NKAIN3: variants seen among roughly 807,000 people sequenced by gnomAD.
NKAIN3 encodes the protein sodium/potassium-transporting ATPase subunit beta-1-interacting protein 3.
In NKAIN3, 25 loss-of-function variants were observed where a neutral mutation model predicts 30.2. That is an observed-to-expected ratio of 0.83 (90% CI 0.60 to 1.16). The LOEUF is 1.16. Among genes scored for constraint, NKAIN3 ranks in the 50% most tolerant of loss-of-function variants. The pLI, the probability that NKAIN3 is intolerant of heterozygous loss-of-function variation, is 0.00. For synonymous variants in NKAIN3, 91 were observed against 89.6 expected (o/e 1.02, Z -0.09); for missense variants, 225 against 254.1 (o/e 0.89, Z 0.78).
intron 3 of NKAIN3, among the ~76,000 whole-genome samples, chr8:62,687,265 A>C (rs1813826203): frequency 6.6e-6 from 1 of 152,214 alleles, no homozygotes. Flanking sequence ...AGGAATGTGA[A>C]GAGTTAAAAA....
intron 4 of NKAIN3, among the ~76,000 whole-genome samples, chr8:62,789,108 C>A (rs1388431056): frequency 2.6e-5 from 4 of 151,746 alleles, no homozygotes; most frequent in South Asian, 2.1e-4. Flanking sequence ...CATTGAATCT[C>A]TAAATTACCT....
chr8:62,806,101 G>A lies in NKAIN3; in HGVS notation c.471+58972G>A, dbSNP rs550748186. 5.9e-5 allele frequency among the ~76,000 whole-genome samples: 9 copies of A among 152,300 alleles called. No homozygotes were observed. In the East Asian group the frequency reaches 1.7e-3, roughly 29 times the overall value. ...GAGAAATGCAAATCAAAACCACAAT[G>A]AGATATCATCTCACACCAGTTAGAA... On this transcript the variant is annotated intron_variant, in intron 4 of 6. Transcript: ENST00000623646.
chr8:62,335,532 T>C (rs888277658), intron 1 of NKAIN3, among the ~76,000 whole-genome samples: 1 of 151,938 alleles, frequency 6.6e-6, no homozygotes, highest in Non-Finnish European at 1.5e-5. Flanking sequence ...ATCAGTTCTA[T>C]GTAGAGATGA....
chr8:62,512,552 T>C (rs1268545984), intron 1 of NKAIN3, among the ~76,000 whole-genome samples: 1 of 152,154 alleles, frequency 6.6e-6, no homozygotes, highest in African/African-American at 2.4e-5. Context: ...TATTGTGTTT[T>C]TTCAATTCTC....
intron 1 of NKAIN3, among the ~76,000 whole-genome samples, chr8:62,526,926 T>C (rs1808321660): frequency 6.6e-6 from 1 of 152,158 alleles, no homozygotes; most frequent in African/African-American, 2.4e-5. Context: ...ATCCCTGACT[T>C]GCACCCGCTA....
At chr8:62,651,693 A>G (rs1159842873) in intron 3 of NKAIN3, among the ~76,000 whole-genome samples, 5 of 152,016 alleles carry the variant, frequency 3.3e-5, no homozygotes, top group African/African-American at 1.2e-4. Flanking sequence ...GTGATTCCCA[A>G]TGTTGGAGGT....
intron 3 of NKAIN3, among the ~76,000 whole-genome samples, chr8:62,705,602 G>C (rs1348866536): frequency 6.6e-6 from 1 of 151,830 alleles, no homozygotes; most frequent in African/African-American, 2.4e-5. Context: ...TTAAATATTG[G>C]GTATTCTGGA....
intron 4 of NKAIN3, among the ~76,000 whole-genome samples, chr8:62,763,863 A>T (rs996057178): frequency 2.0e-5 from 3 of 152,226 alleles, no homozygotes; most frequent in African/African-American, 4.8e-5. Flanking sequence ...ACAGGCTAAG[A>T]GTATTTAAGG....
chr8:62,705,534 A>G (rs1308977470), intron 3 of NKAIN3, among the ~76,000 whole-genome samples: 1 of 152,240 alleles, frequency 6.6e-6, no homozygotes, highest in South Asian at 2.1e-4. Context: ...TTATTTGTTG[A>G]TAATCTTTTC....
intron 3 of NKAIN3, among the ~76,000 whole-genome samples, chr8:62,607,577 T>A (rs988864169): frequency 6.6e-6 from 1 of 152,196 alleles, no homozygotes; most frequent in Non-Finnish European, 1.5e-5. Flanking sequence ...ACCAGGAATT[T>A]ACATTTCAGT....
intron 1 of NKAIN3, among the ~76,000 whole-genome samples, chr8:62,546,942 A>G (rs1001120096): frequency 2.6e-5 from 4 of 152,158 alleles, no homozygotes; most frequent in African/African-American, 9.7e-5. Context: ...ATATTCTATT[A>G]TCTCATGTGT....
chr8:62,862,286 AAGT>A (rs1451810278), intron 4 of NKAIN3, among the ~76,000 whole-genome samples: 2 of 152,198 alleles, frequency 1.3e-5, no homozygotes, highest in East Asian at 3.8e-4. Context: ...TCTAGAAAGA[AAGT>A]AGTAATTTAA....
intron 1 of NKAIN3, among the ~76,000 whole-genome samples, chr8:62,315,195 G>A (rs1463847387): frequency 6.6e-6 from 1 of 152,150 alleles, no homozygotes; most frequent in Non-Finnish European, 1.5e-5. Flanking sequence ...ATTTGAAAAA[G>A]CGACTACAAA....
chr8:62,504,442 T>A (rs1214451099), intron 1 of NKAIN3, among the ~76,000 whole-genome samples: 1 of 152,190 alleles, frequency 6.6e-6, no homozygotes, highest in African/African-American at 2.4e-5. Flanking sequence ...CCTTTAATCA[T>A]ATCATCATCC....
intron 1 of NKAIN3, among the ~76,000 whole-genome samples, chr8:62,514,658 T>A (rs1286601237): frequency 6.6e-6 from 1 of 152,140 alleles, no homozygotes; most frequent in Non-Finnish European, 1.5e-5. Context: ...GAGTTAGTCA[T>A]GGCAAAGTGA....
At chr8:62,481,201 A>G (rs958655685) in intron 1 of NKAIN3, among the ~76,000 whole-genome samples, 1 of 152,106 alleles carries the variant, frequency 6.6e-6, no homozygotes, top group African/African-American at 2.4e-5. Flanking sequence ...TGTTCAAAGT[A>G]TCCTTTGCAT....
In NKAIN3 at chr8:62,846,277, C is replaced by G. The variant is rs12541343; in HGVS notation, c.472-72176C>G. ...CAAAGTTAAAAGAAAGTTTAGTTCC[C>G]TTTTAAATAACAGAATCTTCTTTTT... is the stretch of plus-strand genomic sequence containing the variant. On this transcript the variant is annotated intron_variant, in intron 4 of 6. Coordinates refer to ENST00000623646, the MANE Select transcript of NKAIN3 (RefSeq NM_001304533.3). Among the ~76,000 whole-genome samples the G allele has an allele frequency of 5.1e-3, 771 of 152,144 alleles. 27 individuals are homozygous for G. The highest frequency in any genetic ancestry group is 0.048 in the Admixed American group (726 of 15,270).
At chr8:62,733,481 T>C (rs1815547605) in intron 3 of NKAIN3, among the ~76,000 whole-genome samples, 1 of 152,214 alleles carries the variant, frequency 6.6e-6, no homozygotes, top group East Asian at 1.9e-4. Flanking sequence ...TAATAGGTTC[T>C]TGCTTCCATT....
intron 3 of NKAIN3, among the ~76,000 whole-genome samples, chr8:62,617,256 C>T (rs905112622): frequency 6.6e-6 from 1 of 152,102 alleles, no homozygotes; most frequent in Non-Finnish European, 1.5e-5. Flanking sequence ...CTAACACACT[C>T]AGATAAGGTC....
Sources: gnomAD v4.1 joint callset for allele counts (sites outside exome capture counted in the v4.1 genomes callset) on GRCh38, gnomAD v4.1.1 for gene constraint, MANE v1.5 for transcripts, NCBI Gene and HGNC (gene_info 2026-07-23, HGNC 2026-07-21) for gene names.